The following SCFD2 variants were observed in gnomAD, a reference collection of about 807,000 sequenced individuals.
SCFD2 encodes the protein sec1 family domain containing 2, also known as sec1 family domain-containing protein 2.
In SCFD2, 54 loss-of-function variants were observed where a neutral mutation model predicts 58.9. That is an observed-to-expected ratio of 0.92 (90% CI 0.74 to 1.15). The LOEUF (loss-of-function observed/expected upper bound fraction) is 1.15. Ranked by LOEUF, SCFD2 falls within the 50% of genes most tolerant of loss-of-function variation. SCFD2 has a pLI of 0.00. For missense variants in SCFD2, 805 were observed against 836.6 expected, an observed-to-expected ratio of 0.96 and a Z score of 0.47; for synonymous variants, 321 against 335.9, an observed-to-expected ratio of 0.96 and a Z score of 0.49.
At chr4:53,056,126 C>CT (rs34952397) in intron 5 of SCFD2, among the ~76,000 whole-genome samples, 28,659 of 137,192 alleles carry the variant, frequency 0.21, 3,545 homozygotes, top group Non-Finnish European at 0.29. Context: ...TGTAACGTAG[C>CT]TTTTTTTTTT....
intron 4 of SCFD2, among the ~76,000 whole-genome samples, chr4:53,226,418 A>G (rs1005569197): frequency 1.3e-5 from 2 of 152,146 alleles, no homozygotes; most frequent in Non-Finnish European, 2.9e-5. Flanking sequence ...GATATATAAT[A>G]TTGATAAGTA....
intron 5 of SCFD2, among the ~76,000 whole-genome samples, chr4:53,044,438 T>C (rs1722975496): frequency 6.6e-6 from 1 of 152,092 alleles, no homozygotes; most frequent in Non-Finnish European, 1.5e-5. Flanking sequence ...ACCTGGTTTC[T>C]GGAGAACCAA....
At chr4:53,265,028 G>A (rs1027967847) in intron 4 of SCFD2, among the ~76,000 whole-genome samples, 1 of 152,064 alleles carries the variant, frequency 6.6e-6, no homozygotes, top group Non-Finnish European at 1.5e-5. Flanking sequence ...ACTGGAGATG[G>A]ATATATTACA....
chr4:53,347,318 C>T (rs1486807748), intron 2 of SCFD2, among the ~76,000 whole-genome samples: 5 of 152,280 alleles, frequency 3.3e-5, no homozygotes, highest in Non-Finnish European at 7.4e-5. Context: ...CTGGCAGCAT[C>T]CATCACCATG....
chr4:53,273,814 A>T lies in SCFD2; in HGVS notation c.1311+12T>A. The T allele has an allele frequency of 1.9e-6, 3 of 1,604,168 alleles. No individual in the cohort carries two copies. Among genetic ancestry groups the T allele is most frequent in the Non-Finnish European group, 2.6e-6 (3 of 1,175,692 alleles). The stretch of plus-strand genomic sequence containing the variant: ...ATTATTAAGATCCCACGAGGTTCCC[A>T]TAGCAACATACCTGAAGAAGGAGCC... On this transcript the variant is annotated intron_variant, in intron 4 of 8. Transcript: ENST00000401642.
chr4:52,951,464 T>C lies in SCFD2; in HGVS notation c.1562-30594A>G, dbSNP rs73814900. Reference sequence around the variant, plus strand: ...TCTTTGAAAACTGACAACTCCAATCTAGCCAACCAGTACCCTTAGAAAGAC... The same window carrying C: ...TCTTTGAAAACTGACAACTCCAATCCAGCCAACCAGTACCCTTAGAAAGAC... On this transcript the variant is annotated intron_variant, in intron 5 of 8. Coordinates refer to ENST00000401642, the MANE Select transcript of SCFD2 (RefSeq NM_152540.4). 4.2e-3 allele frequency among the ~76,000 whole-genome samples: 641 copies of C among 152,296 alleles called. 5 individuals are homozygous for C. Among genetic ancestry groups the C allele is most frequent in the African/African-American group, 0.014 (592 of 41,566 alleles).
At chr4:52,902,783 C>T (rs916975841) in intron 7 of SCFD2, among the ~76,000 whole-genome samples, 1 of 152,176 alleles carries the variant, frequency 6.6e-6, no homozygotes, top group Non-Finnish European at 1.5e-5. Context: ...CAAAGATGTG[C>T]CCAAGGTCAC....
At chr4:53,259,985 T>A (rs1202677266) in intron 4 of SCFD2, among the ~76,000 whole-genome samples, 2 of 151,566 alleles carry the variant, frequency 1.3e-5, no homozygotes, top group African/African-American at 4.8e-5. Flanking sequence ...CAGCTATTGT[T>A]AAGGGGTTGA....
intron 2 of SCFD2, among the ~76,000 whole-genome samples, chr4:53,348,715 A>AT (rs1229832214): frequency 3.9e-4 from 57 of 144,746 alleles, no homozygotes; most frequent in Middle Eastern, 7.0e-3. Flanking sequence ...ACTTATGACC[A>AT]TATTTTTTTT....
chr4:53,120,103 G>T (rs1725437245), intron 5 of SCFD2, among the ~76,000 whole-genome samples: 1 of 152,086 alleles, frequency 6.6e-6, no homozygotes. Context: ...TGACAAAAGG[G>T]CTGTGCAATT....
chr4:53,256,101 G>A (rs1182761242), intron 4 of SCFD2, among the ~76,000 whole-genome samples: 8 of 151,212 alleles, frequency 5.3e-5, no homozygotes, highest in South Asian at 4.2e-4. Flanking sequence ...GGTGGCTGCC[G>A]GGCGGAGACG....
intron 3 of SCFD2, among the ~76,000 whole-genome samples, chr4:53,304,658 TG>T (rs1389354404): frequency 6.6e-6 from 1 of 151,956 alleles, no homozygotes; most frequent in African/African-American, 2.4e-5. Context: ...TCTCGTGCTG[TG>T]TGTTTTAGCT....
intron 5 of SCFD2, among the ~76,000 whole-genome samples, chr4:53,128,664 G>A (rs9991205): frequency 0.02 from 3,070 of 152,216 alleles, 115 homozygotes; most frequent in African/African-American, 0.07. Context: ...ATAAATTGGT[G>A]CCTTGAAATA....
intron 4 of SCFD2, among the ~76,000 whole-genome samples, chr4:53,214,901 A>T (rs1482842366): frequency 6.6e-6 from 1 of 152,150 alleles, no homozygotes; most frequent in Non-Finnish European, 1.5e-5. Flanking sequence ...ACCATTTATT[A>T]AATAGGGAAT....
chr4:53,139,769 G>A (rs1333900726), intron 5 of SCFD2, among the ~76,000 whole-genome samples: 1 of 152,256 alleles, frequency 6.6e-6, no homozygotes, highest in East Asian at 1.9e-4. Flanking sequence ...ATAGAAAGGG[G>A]GGATGTGTGG....
At chr4:53,233,018 C>A (rs889505151) in intron 4 of SCFD2, among the ~76,000 whole-genome samples, 2 of 152,174 alleles carry the variant, frequency 1.3e-5, no homozygotes, top group Non-Finnish European at 2.9e-5. Context: ...TCTCGGAATC[C>A]TTAAGTCAGA....
At chr4:53,243,371 G>C (rs1172477821) in intron 4 of SCFD2, among the ~76,000 whole-genome samples, 1 of 152,012 alleles carries the variant, frequency 6.6e-6, no homozygotes, top group Non-Finnish European at 1.5e-5. Flanking sequence ...TTCATATCTG[G>C]CCAAACTAAG....
intron 4 of SCFD2, among the ~76,000 whole-genome samples, chr4:53,153,690 A>T (rs1726579245): frequency 6.6e-6 from 1 of 152,132 alleles, no homozygotes; most frequent in Admixed American, 6.5e-5. Context: ...CTCTCCTGAA[A>T]ATGCTCTTTC....
At chr4:53,343,677 T>G (rs867590973) in intron 2 of SCFD2, among the ~76,000 whole-genome samples, 1 of 152,184 alleles carries the variant, frequency 6.6e-6, no homozygotes, top group Non-Finnish European at 1.5e-5. Context: ...CCAATATCCC[T>G]GATGAACATC....
Sources: allele counts gnomAD v4.1 joint callset (sites outside exome capture counted in the v4.1 genomes callset), GRCh38; gene constraint gnomAD v4.1.1; transcripts MANE v1.5; gene names NCBI Gene and HGNC (gene_info 2026-07-23, HGNC 2026-07-21).